Variants in CD2AP observed in about 807,000 individuals in gnomAD.
The protein encoded by CD2AP is CD2 associated protein.
In CD2AP, 46 loss-of-function variants were observed where a neutral mutation model predicts 85.1. The ratio of observed to expected loss-of-function variants is 0.54; its 90% CI spans 0.43 to 0.69. CD2AP has a LOEUF of 0.69. Ranked by LOEUF, CD2AP falls within the 30% of genes least tolerant of loss-of-function variation. The pLI is 0.00. For synonymous variants in CD2AP, 255 were observed against 252.9 expected (o/e 1.01, Z -0.08); for missense variants, 769 against 729.5 (o/e 1.05, Z -0.62).
Position 47,625,594 on chromosome 6 carries a change from C to T in CD2AP, c.*1367C>T, listed in dbSNP as rs1769887430. 6.6e-6 allele frequency: 1 copy of T among 151,512 alleles called. No homozygotes were observed. The highest frequency in any genetic ancestry group is 2.4e-5 in the African/African-American group (1 of 41,338). The allele number at this position is 151,512 out of a possible 1,614,324, so 9.4% of individuals were successfully genotyped here. A position where few individuals can be genotyped will look rare whatever the true frequency, so the allele number is the denominator to read the frequency against. ...TTTATTTGCAAAAAATTGTTTTATG[C>T]TTTATTATATCGCAAATGAGTGTCA... On this transcript the variant is annotated 3_prime_UTR_variant, in exon 18 of 18. Transcript: ENST00000359314.
At chr6:47,522,825 G>A (rs945171484) in intron 2 of CD2AP, among the ~76,000 whole-genome samples, 6 of 151,382 alleles carry the variant, frequency 4.0e-5, no homozygotes, top group African/African-American at 7.3e-5. Context: ...TAAATATAAT[G>A]TAAATTATAT....
intron 3 of CD2AP, among the ~76,000 whole-genome samples, chr6:47,536,546 G>A (rs1230731274): frequency 1.3e-5 from 2 of 152,160 alleles, no homozygotes; most frequent in African/African-American, 4.8e-5. Flanking sequence ...GATTGGACTA[G>A]TGAGCTATTC....
At chr6:47,592,208 CT>C (rs946771935) in intron 11 of CD2AP, among the ~76,000 whole-genome samples, 17 of 150,174 alleles carry the variant, frequency 1.1e-4, no homozygotes, top group Admixed American at 2.0e-4. Flanking sequence ...TAACATAGAA[CT>C]TTTTTTTTTC....
chr6:47,481,994 C>T (rs1441835031), intron 1 of CD2AP, among the ~76,000 whole-genome samples: 4 of 152,106 alleles, frequency 2.6e-5, no homozygotes, highest in African/African-American at 7.2e-5. Context: ...CTCTTGGCCT[C>T]AAGCAGTTCA....
chr6:47,551,322 A>C (rs1767517501), intron 4 of CD2AP, among the ~76,000 whole-genome samples: 1 of 152,182 alleles, frequency 6.6e-6, no homozygotes, highest in Admixed American at 6.5e-5. Flanking sequence ...TATAGCACAG[A>C]TTGATTTTGT....
intron 17 of CD2AP, among the ~76,000 whole-genome samples, chr6:47,615,778 T>TTTAAA (rs1769561705): frequency 9.6e-5 from 10 of 104,658 alleles, no homozygotes; most frequent in African/African-American, 3.1e-4. Flanking sequence ...TTAATTTTAA[T>TTTAAA]TTTAATTTAA....
At chr6:47,532,646 A>C (rs1582523671) in intron 2 of CD2AP, among the ~76,000 whole-genome samples, 1 of 151,994 alleles carries the variant, frequency 6.6e-6, no homozygotes, top group Non-Finnish European at 1.5e-5. Context: ...ACATTGTCTA[A>C]TTCTATCGTT....
chr6:47,610,971 A>ATATATATTTTTTT, intron 16 of CD2AP, among the ~76,000 whole-genome samples: 77 of 112,850 alleles, frequency 6.8e-4, no homozygotes, highest in African/African-American at 2.7e-3. Context: ...ATATATATGT[A>ATATATATTTTTTT]TTTTTTTTTT....
At chr6:47,582,300 A>T (rs956249003) in intron 11 of CD2AP, 1 of 410,760 alleles carries the variant, frequency 2.4e-6, no homozygotes, top group South Asian at 3.1e-5. Flanking sequence ...CAGTTATTTC[A>T]CAGACTGTAT....
At chr6:47,581,693 TA>T (rs1316375603) in intron 10 of CD2AP, among the ~76,000 whole-genome samples, 1 of 152,188 alleles carries the variant, frequency 6.6e-6, no homozygotes, top group African/African-American at 2.4e-5. Context: ...AAGTGTTCAG[TA>T]GTCACATGTT....
chr6:47,487,621 T>C (rs1582465727), intron 1 of CD2AP, among the ~76,000 whole-genome samples: 1 of 151,722 alleles, frequency 6.6e-6, no homozygotes. Context: ...ACCCGGGAGG[T>C]GGAGCTTGCA....
chr6:47,583,421 T>C (rs537839318), intron 11 of CD2AP, among the ~76,000 whole-genome samples: 1 of 152,350 alleles, frequency 6.6e-6, no homozygotes, highest in South Asian at 2.1e-4. Flanking sequence ...TTCTACCTAT[T>C]CATCTGTCCT....
At chr6:47,613,263 A>G (rs566984694) in intron 17 of CD2AP, among the ~76,000 whole-genome samples, 1 of 152,216 alleles carries the variant, frequency 6.6e-6, no homozygotes, top group South Asian at 2.1e-4. Context: ...TTTTTTCCAA[A>G]TGGTTTTCAG....
intron 3 of CD2AP, among the ~76,000 whole-genome samples, chr6:47,540,308 T>C (rs992594187): frequency 1.3e-5 from 2 of 152,082 alleles, no homozygotes; most frequent in African/African-American, 4.8e-5. Context: ...TGATACATTA[T>C]AGAAATTAAC....
In CD2AP at chr6:47,623,938, A is replaced by T. The variant is rs973874714; in HGVS notation, c.1879-248A>T. On this transcript the variant is annotated intron_variant, in intron 17 of 17. Coordinates refer to ENST00000359314, the MANE Select transcript of CD2AP (RefSeq NM_012120.3). ...TACAGCTTTAATTTTAAATGCTCAC[A>T]TGACTTAACATTTGTTCTGGCTGAA... 2.6e-5 allele frequency among the ~76,000 whole-genome samples: 4 copies of T among 152,070 alleles called. No homozygotes were observed. The East Asian group carries it at 7.7e-4, about 29-fold the overall frequency.
chr6:47,478,459 C>T (rs1765363049), intron 1 of CD2AP, among the ~76,000 whole-genome samples: 1 of 152,140 alleles, frequency 6.6e-6, no homozygotes, highest in South Asian at 2.1e-4. Flanking sequence ...GGGTGCTTTC[C>T]CTCGCTCTCC....
At chr6:47,504,137 G>T (rs1014551413) in intron 2 of CD2AP, among the ~76,000 whole-genome samples, 11 of 152,116 alleles carry the variant, frequency 7.2e-5, no homozygotes, top group Non-Finnish European at 1.3e-4. Context: ...CAGTAGTTTA[G>T]AGAAGAAGAA....
chr6:47,509,257 A>G (rs935267849), intron 2 of CD2AP, among the ~76,000 whole-genome samples: 2 of 152,214 alleles, frequency 1.3e-5, no homozygotes. Flanking sequence ...CCTCAAAACA[A>G]TTAAAATGGT....
At chr6:47,554,056 G>A (rs781113188) in intron 4 of CD2AP, among the ~76,000 whole-genome samples, 1 of 151,906 alleles carries the variant, frequency 6.6e-6, no homozygotes, top group Admixed American at 6.6e-5. Flanking sequence ...GGGACTACAG[G>A]CGCGAACCAC....
Sources: allele counts gnomAD v4.1 joint callset (sites outside exome capture counted in the v4.1 genomes callset), GRCh38; gene constraint gnomAD v4.1.1; transcripts MANE v1.5; gene names NCBI Gene and HGNC (gene_info 2026-07-23, HGNC 2026-07-21).